The following ATP2C1 variants were observed in gnomAD, a reference collection of about 807,000 sequenced individuals.
ATP2C1 encodes calcium-transporting ATPase type 2C member 1.
ATP2C1 carries 31 observed loss-of-function variants against 120.5 expected under a neutral mutation model. The observed-to-expected ratio is 0.26, with a 90% CI of 0.19 to 0.35. The LOEUF is 0.35. Among genes scored for constraint, ATP2C1 ranks in the 10% least tolerant of loss-of-function variants. The probability of loss-of-function intolerance (pLI) is 1.00; values close to 1 mark genes in which losing one functional copy is unlikely to be tolerated. For missense variants in ATP2C1, 731 were observed against 1,107.5 expected (o/e 0.66, Z 4.83); for synonymous variants, 351 against 358.7 (o/e 0.98, Z 0.24).
At chr3:130,887,152 T>G (rs906169713) in intron 1 of ATP2C1, among the ~76,000 whole-genome samples, 2 of 152,206 alleles carry the variant, frequency 1.3e-5, no homozygotes. Context: ...CAGAGACTCT[T>G]GTTCTTTACC....
At chr3:130,852,723 T>A (rs2067713454) in intron 1 of ATP2C1, among the ~76,000 whole-genome samples, 1 of 152,176 alleles carries the variant, frequency 6.6e-6, no homozygotes, top group Admixed American at 6.6e-5. Context: ...TGTTGGGAAG[T>A]TATAAAGGAG....
intron 1 of ATP2C1, among the ~76,000 whole-genome samples, chr3:130,881,833 AT>A (rs1178809529): frequency 2.0e-5 from 3 of 152,042 alleles, no homozygotes; most frequent in African/African-American, 4.8e-5. Flanking sequence ...ATGTGGGATT[AT>A]TTTTACCTCT....
chr3:130,953,117 A>ATG (rs2060436291), intron 8 of ATP2C1, among the ~76,000 whole-genome samples: 1 of 136,154 alleles, frequency 7.3e-6, no homozygotes, highest in South Asian at 2.4e-4. Flanking sequence ...ATGTATGTAT[A>ATG]TATGTATGTA....
At chr3:130,983,657 C>T (rs189881874) in intron 20 of ATP2C1, among the ~76,000 whole-genome samples, 22 of 152,318 alleles carry the variant, frequency 1.4e-4, no homozygotes, top group East Asian at 9.6e-4. Context: ...CTGTGTTTGA[C>T]GTTTTCATCC....
chr3:130,967,161 A>T lies in ATP2C1; in HGVS notation c.1139A>T (p.Tyr380Phe). Residue 380 changes from tyrosine to phenylalanine, a missense_variant, in exon 15 of 28, where the codon TAT (tyrosine) becomes TTT (phenylalanine). Transcript: ENST00000510168. ...GATCTTTAGGTTACTGGAGTTGGCT[A>T]TAATCAATTTGGGGAAGTGATTGTT... ...GLHAEVTGVG[Y>F]NQFGEVIVDG... 6.2e-7 allele frequency: 1 copy of T among 1,613,606 alleles called. No homozygotes were observed. Among genetic ancestry groups the T allele is most frequent in the Non-Finnish European group, 8.5e-7 (1 of 1,179,574 alleles).
chr3:130,912,546 C>T (rs1178665644), intron 2 of ATP2C1, among the ~76,000 whole-genome samples: 2 of 144,514 alleles, frequency 1.4e-5, no homozygotes, highest in African/African-American at 2.6e-5. Context: ...ATCAAAACCA[C>T]AATGAGATAC....
chr3:130,977,800 C>G (rs1394561256), intron 18 of ATP2C1, among the ~76,000 whole-genome samples: 1 of 152,106 alleles, frequency 6.6e-6, no homozygotes, highest in East Asian at 1.9e-4. Context: ...TCCATCCTCC[C>G]CCTGAGATTA....
In ATP2C1 at chr3:130,932,111, G is replaced by A. The variant is rs749275289; in HGVS notation, c.207G>A (p.Glu69=). The change falls in exon 4 of 28, where the codon GAG becomes GAA. Residue 69 remains glutamate, a synonymous_variant. Coordinates refer to ENST00000510168, the MANE Select transcript of ATP2C1 (RefSeq NM_001378687.1). The part of the protein sequence containing the change: ...GWNEFDISED[E]PLWKKYISQF... ...ATGAGTTTGATATTAGTGAAGATGA[G>A]CCACTGTGGAAGAAGTATATTTCTC... 6 of 1,608,850 alleles carry A rather than the reference G, an allele frequency of 3.7e-6. No homozygotes were observed. Among genetic ancestry groups the A allele is most frequent in the Non-Finnish European group, 5.1e-6 (6 of 1,175,420 alleles).
intron 4 of ATP2C1, among the ~76,000 whole-genome samples, chr3:130,933,300 G>C (rs1222599445): frequency 6.6e-6 from 1 of 152,144 alleles, no homozygotes; most frequent in Non-Finnish European, 1.5e-5. Flanking sequence ...CATCCATCAA[G>C]TGGTGTGCTT....
intron 20 of ATP2C1, among the ~76,000 whole-genome samples, chr3:130,991,727 C>T (rs2062359851): frequency 6.6e-6 from 1 of 152,030 alleles, no homozygotes; most frequent in Non-Finnish European, 1.5e-5. Context: ...GAGTAATGGT[C>T]TTAATAGGTA....
In ATP2C1 at chr3:130,926,757, A is replaced by G. The variant is rs890193253; in HGVS notation, c.7-3659A>G. On this transcript the variant is annotated intron_variant, in intron 2 of 27. Coordinates refer to ENST00000510168, the MANE Select transcript of ATP2C1 (RefSeq NM_001378687.1). ...CCCTTGGGCGTCGCCTTCCAACTCC[A>G]TGTGTATTTTATGCATGTGATCTTT... 3.3e-5 allele frequency among the ~76,000 whole-genome samples: 5 copies of G among 152,200 alleles called. No individual in the cohort carries two copies. The South Asian group carries it at 1.0e-3, about 31-fold the overall frequency.
chr3:131,009,988 G>T (rs557905487), intron 26 of ATP2C1, among the ~76,000 whole-genome samples: 1 of 152,028 alleles, frequency 6.6e-6, no homozygotes, highest in Admixed American at 6.6e-5. Context: ...TCCAGGTGCT[G>T]CTCAGGTAAA....
At chr3:130,929,960 T>A in intron 2 of ATP2C1, 1 of 256,072 alleles carries the variant, frequency 3.9e-6, no homozygotes, top group Non-Finnish European at 7.7e-6. Context: ...GTTGAAAGAG[T>A]AGCCAGTTGT....
chr3:130,921,945 C>G lies in ATP2C1; in HGVS notation c.7-8471C>G, dbSNP rs920196931. On this transcript the variant is annotated intron_variant, in intron 2 of 27. Transcript: ENST00000510168. Reference sequence around the variant, plus strand: ...TTTTCTTTTTTTGTTATATTCTTCCCTTGTTTTGGTGTTAGGGTGATACTG... The same window carrying G: ...TTTTCTTTTTTTGTTATATTCTTCCGTTGTTTTGGTGTTAGGGTGATACTG... 9.9e-5 allele frequency among the ~76,000 whole-genome samples: 15 copies of G among 152,136 alleles called. No individual in the cohort carries two copies. In the South Asian group the frequency reaches 1.5e-3, roughly 15 times the overall value.
chr3:130,964,184 A>T (rs2060949349), intron 13 of ATP2C1, 89 bp downstream of exon 13: 2 of 1,566,872 alleles, frequency 1.3e-6, no homozygotes, highest in Admixed American at 3.4e-5. Context: ...TTTTTATCTT[A>T]GAGATTTGCA....
intron 12 of ATP2C1, among the ~76,000 whole-genome samples, chr3:130,962,026 G>C (rs2060843200): frequency 6.6e-6 from 1 of 152,002 alleles, no homozygotes; most frequent in Non-Finnish European, 1.5e-5. Context: ...CTGCAGCAAG[G>C]ACTCTATCAT....
intron 1 of ATP2C1, among the ~76,000 whole-genome samples, chr3:130,865,847 C>T (rs891648797): frequency 6.6e-6 from 1 of 152,322 alleles, no homozygotes; most frequent in Non-Finnish European, 1.5e-5. Context: ...TCAAAACAGA[C>T]TAATATACAT....
Position 130,956,941 on chromosome 3 carries a change from C to T in ATP2C1, c.832+762C>T, listed in dbSNP as rs1268701157. The stretch of plus-strand genomic sequence containing the variant: ...AAAGCTTTTTATATGACTAGATTAT[C>T]AATCTTTTTGTTGTATAAGTTTTTT... On this transcript the variant is annotated intron_variant, in intron 11 of 27. Coordinates refer to ENST00000510168, the MANE Select transcript of ATP2C1 (RefSeq NM_001378687.1). Among the ~76,000 whole-genome samples, 9 of 152,132 alleles carry T rather than the reference C, an allele frequency of 5.9e-5. No homozygotes were observed. The East Asian group carries it at 1.7e-3, about 29-fold the overall frequency.
In ATP2C1 at chr3:130,913,264, A is replaced by T. The variant is rs4627734; in HGVS notation, c.7-17152A>T. 6.3e-4 allele frequency among the ~76,000 whole-genome samples: 90 copies of T among 143,606 alleles called. 1 individual carries two copies. The highest frequency in any genetic ancestry group is 3.2e-3 in the East Asian group (16 of 5,038). 94.2% of individuals were successfully genotyped at this position (143,606 alleles called of 152,430 possible). On this transcript the variant is annotated intron_variant, in intron 2 of 27. Transcript: ENST00000510168. ...AGTATAATAAAAAATAAATAAATTT[A>T]AAAAAAAAAAAGAATTTTGTTTTGG...
Sources: gnomAD v4.1 joint callset for allele counts (sites outside exome capture counted in the v4.1 genomes callset) on GRCh38, gnomAD v4.1.1 for gene constraint, MANE v1.5 for transcripts, NCBI Gene and HGNC (gene_info 2026-07-23, HGNC 2026-07-21) for gene names.